The following CEP41 variants were observed in gnomAD, a reference collection of about 807,000 sequenced individuals.
CEP41 encodes the protein centrosomal protein 41, also known as centrosomal protein of 41 kDa.
A neutral mutation model predicts 44.3 loss-of-function variants in CEP41; 32 were observed. That is an observed-to-expected ratio of 0.72 (90% CI 0.54 to 0.97). The LOEUF (loss-of-function observed/expected upper bound fraction) is 0.97. Among genes scored for constraint, CEP41 ranks in the 50% least tolerant of loss-of-function variants. The pLI is 0.00. For missense variants in CEP41, 432 were observed against 455.2 expected (o/e 0.95, Z 0.46); for synonymous variants, 151 against 168.5 (o/e 0.90, Z 0.80).
intron 2 of CEP41, among the ~76,000 whole-genome samples, chr7:130,426,442 G>GAA (rs782455369): frequency 2.9e-5 from 2 of 69,916 alleles, no homozygotes; most frequent in African/African-American, 5.4e-5. Flanking sequence ...CAGGAGGAAA[G>GAA]AAAAAAAAAA....
At chr7:130,441,129 C>T, upstream of CEP41, 1 of 768,938 alleles carries the variant, frequency 1.3e-6, no homozygotes. Flanking sequence ...TCTCTCATCT[C>T]AGGGTCGCAG....
chr7:130,419,570 C>T (rs1797438505), intron 2 of CEP41: 7 of 984,066 alleles, frequency 7.1e-6, no homozygotes, highest in Non-Finnish European at 8.4e-6. Flanking sequence ...TATCCAAGAA[C>T]CAATTTTTTT....
chr7:130,420,645 AC>A (rs1797478546), intron 2 of CEP41: 1 of 152,350 alleles, frequency 6.6e-6, no homozygotes, highest in Non-Finnish European at 1.5e-5. Context: ...GGTGGTGCGC[AC>A]CTGTAGTCCC....
At position 130,411,188 on chromosome 7, in the gene CEP41, T is replaced by C. The variant is rs1797171892; in HGVS notation, c.211A>G (p.Ile71Val). ...TGATCAGAGAGGGAAGCAACTTGGATGATCTGATAGAAAAAAGAATGAAAT... is the reference window on the plus strand; with the variant it reads ...TGATCAGAGAGGGAAGCAACTTGGACGATCTGATAGAAAAAAGAATGAAAT... ...LKVTTFAQLI[I>V]QVASLSDQTL... is the part of the protein sequence containing the mutation. The change falls in exon 5 of 11, where the codon ATC becomes GTC. Residue 71 changes from isoleucine (I) to valine (V), a missense_variant. Ile to Val is a conservative substitution (Grantham distance 29). Coordinates refer to ENST00000223208, the MANE Select transcript of CEP41 (RefSeq NM_018718.3). 1.9e-6 allele frequency: 3 copies of C among 1,612,936 alleles called. No homozygotes were observed. Among genetic ancestry groups the C allele is most frequent in the Non-Finnish European group, 2.5e-6 (3 of 1,178,998 alleles).
At chr7:130,421,151 G>A in intron 2 of CEP41, 1 of 985,370 alleles carries the variant, frequency 1.0e-6, no homozygotes, top group Non-Finnish European at 1.2e-6. Context: ...CAAACACAGA[G>A]TGCAACTGAT....
chr7:130,417,330 C>A, intron 2 of CEP41: 1 of 1,101,962 alleles, frequency 9.1e-7, no homozygotes, highest in Non-Finnish European at 1.1e-6. Flanking sequence ...GGGGAAGATA[C>A]ACAGAAGAGG....
intron 6 of CEP41, among the ~76,000 whole-genome samples, chr7:130,403,977 C>T (rs1796931078): frequency 6.6e-6 from 1 of 152,190 alleles, no homozygotes; most frequent in Admixed American, 6.5e-5. Context: ...AAAATCAGTA[C>T]TGCCCTATAA....
At chr7:130,414,530 A>T (rs1216010191) in intron 3 of CEP41, among the ~76,000 whole-genome samples, 1 of 152,274 alleles carries the variant, frequency 6.6e-6, no homozygotes, top group African/African-American at 2.4e-5. Context: ...TTCTAAGCAT[A>T]AAATGTATAC....
chr7:130,408,697 G>C (rs1310229429), intron 5 of CEP41, among the ~76,000 whole-genome samples: 1 of 151,990 alleles, frequency 6.6e-6, no homozygotes, highest in Non-Finnish European at 1.5e-5. Context: ...TGTCTAAAAT[G>C]GTTCCACCCT....
At position 130,396,322 on chromosome 7, in the gene CEP41, A is replaced by G. The variant is rs1554414522; in HGVS notation, c.*2569T>C. The G allele has an allele frequency of 2.2e-6, 1 of 454,092 alleles. No individual in the cohort carries two copies. Among genetic ancestry groups the G allele is most frequent in the Non-Finnish European group, 4.4e-6 (1 of 226,786 alleles). 28.1% of individuals were successfully genotyped at this position (454,092 alleles called of 1,614,324 possible). A position where few individuals can be genotyped will look rare whatever the true frequency, so the allele number is the denominator to read the frequency against. On this transcript the variant is annotated 3_prime_UTR_variant, in exon 11 of 11. Transcript: ENST00000223208. Reference sequence around the variant, plus strand: ...TGAAGGTGGCTTCAGTCCCAGCCTGAGCAGGAAAAGAAATCCAGGCTTTCT... The same window carrying G: ...TGAAGGTGGCTTCAGTCCCAGCCTGGGCAGGAAAAGAAATCCAGGCTTTCT...
At chr7:130,430,874 G>C (rs1301635007) in intron 1 of CEP41, among the ~76,000 whole-genome samples, 2 of 152,060 alleles carry the variant, frequency 1.3e-5, no homozygotes, top group Admixed American at 1.3e-4. Context: ...GAACCAAGGG[G>C]ATTTGTCCAT....
At chr7:130,419,606 C>G in intron 2 of CEP41, 1 of 984,216 alleles carries the variant, frequency 1.0e-6, no homozygotes, top group Non-Finnish European at 1.2e-6. Flanking sequence ...TTACACATTA[C>G]TGCCAGATAC....
chr7:130,417,978 A>G (rs1349328650), intron 2 of CEP41, among the ~76,000 whole-genome samples: 3 of 152,254 alleles, frequency 2.0e-5, no homozygotes, highest in African/African-American at 7.2e-5. Context: ...GCAGAAAAAG[A>G]AAATCCTTGC....
intron 2 of CEP41, chr7:130,419,911 C>T (rs1386586805): frequency 2.0e-6 from 2 of 985,368 alleles, no homozygotes; most frequent in Non-Finnish European, 2.4e-6. Flanking sequence ...GTCTTACCTA[C>T]CTTACTAGAC....
At chr7:130,428,914 A>AAAAT (rs576364646) in intron 1 of CEP41, among the ~76,000 whole-genome samples, 6,374 of 150,566 alleles carry the variant, frequency 0.042, 154 homozygotes, top group African/African-American at 0.053. Context: ...CTGTCTCAAA[A>AAAAT]AAATAAATAA....
chr7:130,420,856 TATA>T (rs1554422057), intron 2 of CEP41: 1 of 881,292 alleles, frequency 1.1e-6, no homozygotes, highest in African/African-American at 1.8e-5. Flanking sequence ...GAAAAATCCT[TATA>T]ATGAGTTATT....
intron 6 of CEP41, 125 bp downstream of exon 6, chr7:130,404,439 A>G: frequency 1.3e-6 from 1 of 757,138 alleles, no homozygotes; most frequent in East Asian, 2.6e-5. Flanking sequence ...GGCTGGGATT[A>G]AAATGTGAGA....
chr7:130,436,895 T>G (rs782647906), intron 1 of CEP41, among the ~76,000 whole-genome samples: 13 of 151,958 alleles, frequency 8.6e-5, no homozygotes, highest in Non-Finnish European at 1.9e-4. Context: ...AAAAATTAGC[T>G]GGGCGTGGTG....
intron 2 of CEP41, chr7:130,420,936 C>G: frequency 1.0e-6 from 1 of 982,368 alleles, no homozygotes; most frequent in African/African-American, 1.7e-5. Context: ...AAACTATGTA[C>G]AACTTGACTT....
Sources: gnomAD v4.1 joint callset for allele counts (sites outside exome capture counted in the v4.1 genomes callset) on GRCh38, gnomAD v4.1.1 for gene constraint, MANE v1.5 for transcripts, NCBI Gene and HGNC (gene_info 2026-07-23, HGNC 2026-07-21) for gene names.